TRIO: variants seen among roughly 807,000 people sequenced by gnomAD.
TRIO encodes triple functional domain protein.
A neutral mutation model predicts 351.9 loss-of-function variants in TRIO; 58 were observed. That is an observed-to-expected ratio of 0.16 (90% CI 0.13 to 0.21). The LOEUF (loss-of-function observed/expected upper bound fraction) is 0.21, where lower values mean the gene tolerates loss of function less well. TRIO is among the 10% of genes least tolerant of loss of function. The pLI is 1.00. For synonymous variants in TRIO, 1,758 were observed against 1,595.7 expected, an observed-to-expected ratio of 1.10 and a Z score of -2.42; for missense variants, 3,201 against 4,027.8, an observed-to-expected ratio of 0.79 and a Z score of 5.56.
At chr5:14,463,433 G>A (rs1753981095) in intron 36 of TRIO, among the ~76,000 whole-genome samples, 1 of 152,228 alleles carries the variant, frequency 6.6e-6, no homozygotes, top group African/African-American at 2.4e-5. Flanking sequence ...TGCAGGCATA[G>A]TTGTCAAAGT....
chr5:14,168,085 G>T (rs1788878802), intron 1 of TRIO, among the ~76,000 whole-genome samples: 1 of 152,164 alleles, frequency 6.6e-6, no homozygotes, highest in African/African-American at 2.4e-5. Context: ...CTAATTTCTG[G>T]CAGGATCCCT....
chr5:14,449,139 A>G (rs1020925275), intron 34 of TRIO, among the ~76,000 whole-genome samples: 29 of 152,276 alleles, frequency 1.9e-4, no homozygotes, highest in South Asian at 1.0e-3. Context: ...TTTTTATGAC[A>G]TCGTGGTTTT....
intron 33 of TRIO, among the ~76,000 whole-genome samples, chr5:14,416,632 A>G (rs1329408604): frequency 6.6e-6 from 1 of 152,234 alleles, no homozygotes; most frequent in East Asian, 1.9e-4. Flanking sequence ...TGTGCTGTCA[A>G]GTACACAGAT....
At chr5:14,378,566 T>G (rs1745775356) in intron 20 of TRIO, among the ~76,000 whole-genome samples, 1 of 149,124 alleles carries the variant, frequency 6.7e-6, no homozygotes, top group Non-Finnish European at 1.5e-5. Context: ...TTCTGTTTCT[T>G]TTTTTTTTTT....
intron 1 of TRIO, among the ~76,000 whole-genome samples, chr5:14,170,870 T>C (rs1012477445): frequency 6.6e-6 from 1 of 152,218 alleles, no homozygotes; most frequent in African/African-American, 2.4e-5. Flanking sequence ...TCACTTTATT[T>C]AACTATTTAC....
Position 14,425,183 on chromosome 5 carries a change from G to A in TRIO, c.5203+5162G>A, listed in dbSNP as rs564519681. Among the ~76,000 whole-genome samples, 49 of 152,074 alleles carry A rather than the reference G, an allele frequency of 3.2e-4. No individual in the cohort carries two copies. The South Asian group carries it at 5.8e-3, about 18-fold the overall frequency. ...ATTCACATCTAGAATTCTTTTTTCC[G>A]TCTTACAGAACTGAACCTCTGTGCC... On this transcript the variant is annotated intron_variant, in intron 34 of 56. Transcript: ENST00000344204.
intron 13 of TRIO, among the ~76,000 whole-genome samples, chr5:14,363,479 A>T (rs1163953825): frequency 6.6e-6 from 1 of 152,122 alleles, no homozygotes; most frequent in Non-Finnish European, 1.5e-5. Context: ...AAAATTATTT[A>T]TCTTCTCTTT....
At chr5:14,393,956 TG>T in intron 27 of TRIO, 81 bp from the exon 28 acceptor site, 2 of 870,564 alleles carry the variant, frequency 2.3e-6, no homozygotes, top group Non-Finnish European at 3.6e-6. Flanking sequence ...GTACAGTATT[TG>T]GAAAAGTAAT....
chr5:14,493,857 C>A (rs1362337861), intron 49 of TRIO, among the ~76,000 whole-genome samples: 3 of 152,316 alleles, frequency 2.0e-5, no homozygotes, highest in African/African-American at 7.2e-5. Flanking sequence ...GGCAAAACAG[C>A]CTTTGCTGAG....
chr5:14,400,866 A>G, intron 30 of TRIO, 97 bp from the exon 31 acceptor site: 1 of 1,066,492 alleles, frequency 9.4e-7, no homozygotes, highest in Non-Finnish European at 1.4e-6. Flanking sequence ...ATAACCTAAC[A>G]TGGCCACAAG....
At chr5:14,280,558 G>GATAATGACTT in intron 3 of TRIO, 122 bp downstream of exon 3, 1 of 831,998 alleles carries the variant, frequency 1.2e-6, no homozygotes, top group Non-Finnish European at 1.9e-6. Context: ...TAAAATGAAA[G>GATAATGACTT]TCATTATCTT....
Position 14,226,694 on chromosome 5 carries a change from C to T in TRIO, c.158-44131C>T, listed in dbSNP as rs1317050455. ...GTCCCTGAAGCTTGGTGAAGCATTACGTCTTCACTTATGTGACTAACCTGT... is the reference window on the plus strand; with the variant it reads ...GTCCCTGAAGCTTGGTGAAGCATTATGTCTTCACTTATGTGACTAACCTGT... On this transcript the variant is annotated intron_variant, in intron 1 of 56. Transcript: ENST00000344204. 1.1e-4 allele frequency among the ~76,000 whole-genome samples: 16 copies of T among 152,332 alleles called. No individual in the cohort carries two copies. In the East Asian group the frequency reaches 1.5e-3, roughly 15 times the overall value.
At chr5:14,494,362 A>G (rs1182949687) in intron 49 of TRIO, among the ~76,000 whole-genome samples, 1 of 152,196 alleles carries the variant, frequency 6.6e-6, no homozygotes, top group Non-Finnish European at 1.5e-5. Context: ...CTGACAGCAC[A>G]TCTGTACACC....
chr5:14,345,705 C>T (rs574569992), intron 11 of TRIO, among the ~76,000 whole-genome samples: 15 of 152,212 alleles, frequency 9.9e-5, no homozygotes, highest in East Asian at 5.8e-4. Flanking sequence ...GGATTACAGG[C>T]GTGTGCCACC....
chr5:14,356,115 T>G (rs1371751265), intron 11 of TRIO, among the ~76,000 whole-genome samples: 1 of 152,252 alleles, frequency 6.6e-6, no homozygotes, highest in African/African-American at 2.4e-5. Flanking sequence ...AAAAATAACT[T>G]CTTTGCCAGC....
chr5:14,268,908 C>T (rs2152268338), intron 1 of TRIO, among the ~76,000 whole-genome samples: 1 of 152,338 alleles, frequency 6.6e-6, no homozygotes, highest in Admixed American at 6.5e-5. Context: ...GTTACGGTGA[C>T]TGGCAGTGAA....
chr5:14,223,781 T>C (rs1792804454), intron 1 of TRIO, among the ~76,000 whole-genome samples: 1 of 152,214 alleles, frequency 6.6e-6, no homozygotes, highest in African/African-American at 2.4e-5. Flanking sequence ...TTCCTCTCTT[T>C]GTAAATGTGT....
intron 1 of TRIO, among the ~76,000 whole-genome samples, chr5:14,201,208 C>T (rs900165685): frequency 2.0e-5 from 3 of 151,424 alleles, no homozygotes; most frequent in African/African-American, 7.3e-5. Flanking sequence ...TGCAGTGAGC[C>T]GAGATCGTGT....
At chr5:14,251,522 G>A (rs369918116) in intron 1 of TRIO, among the ~76,000 whole-genome samples, 34 of 152,254 alleles carry the variant, frequency 2.2e-4, no homozygotes, top group African/African-American at 7.7e-4. Flanking sequence ...CGCTGGGCCT[G>A]TGCATCTGTT....
Sources: allele counts gnomAD v4.1 joint callset (sites outside exome capture counted in the v4.1 genomes callset), GRCh38; gene constraint gnomAD v4.1.1; transcripts MANE v1.5; gene names NCBI Gene and HGNC (gene_info 2026-07-23, HGNC 2026-07-21).